The following YIF1B variants were observed in gnomAD, a reference collection of about 807,000 sequenced individuals.
YIF1B encodes the protein protein YIF1B.
YIF1B carries 24 observed loss-of-function variants against 34.6 expected under a neutral mutation model. The ratio of observed to expected loss-of-function variants is 0.69; its 90% CI spans 0.50 to 0.98. YIF1B has a LOEUF of 0.98. Ranked by LOEUF, YIF1B falls within the 50% of genes least tolerant of loss-of-function variation. The probability of loss-of-function intolerance (pLI) is 0.00; values close to 1 mark genes in which losing one functional copy is unlikely to be tolerated. For synonymous variants in YIF1B, 186 were observed against 184.8 expected (o/e 1.01, Z -0.05); for missense variants, 368 against 429.4 (o/e 0.86, Z 1.26).
chr19:38,308,229 G>A (rs763730366), intron 5 of YIF1B, among the ~76,000 whole-genome samples: 1 of 152,180 alleles, frequency 6.6e-6, no homozygotes, highest in Admixed American at 6.5e-5. Flanking sequence ...CTGGAATGGA[G>A]CCAGCAGGGA....
chr19:38,305,572 G>A (rs1968979151), intron 7 of YIF1B, 65 bp from the exon 8 acceptor site: 13 of 1,515,462 alleles, frequency 8.6e-6, no homozygotes, highest in Non-Finnish European at 1.1e-5. Context: ...CAGAGTGAGA[G>A]CCCGGACATA....
intron 1 of YIF1B, 151 bp from the exon 2 acceptor site, chr19:38,309,794 A>G: frequency 7.0e-7 from 1 of 1,436,542 alleles, no homozygotes. Flanking sequence ...ATGGACTGGC[A>G]GGTGCAAGCT....
rs768703622 is a variant in YIF1B at position 38,308,809 on chromosome 19, C to A, written c.522G>T (p.Ala174=). The change falls in exon 5 of 8, where the codon GCG becomes GCT. Residue 174 remains alanine (A), a synonymous_variant. Coordinates refer to ENST00000339413, the MANE Select transcript of YIF1B (RefSeq NM_001039672.3). ...FITYVLVAGL[A]LGTQDRFSPD... ...TCCCTTACCTATCCTGGGTCCCCAG[C>A]GCAAGACCAGCCACCAAAACGTAGG... The A allele has an allele frequency of 6.2e-7, 1 of 1,613,800 alleles. No individual in the cohort carries two copies. The highest frequency in any genetic ancestry group is 8.5e-7 in the Non-Finnish European group (1 of 1,179,924).
Position 38,304,204 on chromosome 19 carries a change from C to T in YIF1B, c.*1148G>A, listed in dbSNP as rs1229061531. 1 of 1,606,030 alleles carries T rather than the reference C, an allele frequency of 6.2e-7. No individual in the cohort carries two copies. ...AGGTCTCAGCGCTCCTCCCCCTGCTCCGCTCCTCTGCAGGGCCCAGGCGCC... is the reference window on the plus strand; with the variant it reads ...AGGTCTCAGCGCTCCTCCCCCTGCTTCGCTCCTCTGCAGGGCCCAGGCGCC... On this transcript the variant is annotated 3_prime_UTR_variant, in exon 8 of 8. Coordinates refer to ENST00000339413, the MANE Select transcript of YIF1B (RefSeq NM_001039672.3).
chr19:38,316,631 T>C (rs977934132), upstream of YIF1B, among the ~76,000 whole-genome samples: 1 of 152,214 alleles, frequency 6.6e-6, no homozygotes, highest in Non-Finnish European at 1.5e-5. Flanking sequence ...TTTGTGTTCC[T>C]GAGGGGCTAA....
chr19:38,307,367 G>T, intron 7 of YIF1B, 61 bp downstream of exon 7: 1 of 1,551,498 alleles, frequency 6.4e-7, no homozygotes, highest in Non-Finnish European at 8.9e-7. Context: ...CCTCTGCTTG[G>T]ATGCCTGGAT....
chr19:38,315,176 C>T (rs1422753057), intron 1 of YIF1B, among the ~76,000 whole-genome samples: 4 of 149,966 alleles, frequency 2.7e-5, no homozygotes, highest in African/African-American at 7.4e-5. Flanking sequence ...ACCCGGGAGG[C>T]GGAGGTTGCG....
In YIF1B at chr19:38,304,151, G is replaced by A; in HGVS notation, c.*1201C>T. ...CTGAGGACCAGGACAGAGGTTGGGT[G>A]GGGCGTCTCAGCATTCCTCCAACGG... On this transcript the variant is annotated 3_prime_UTR_variant, in exon 8 of 8. Coordinates refer to ENST00000339413, the MANE Select transcript of YIF1B (RefSeq NM_001039672.3). 1 of 1,325,478 alleles carries A rather than the reference G, an allele frequency of 7.5e-7. No individual in the cohort carries two copies. The highest frequency in any genetic ancestry group is 1.1e-6 in the Non-Finnish European group (1 of 943,984). The allele number at this position is 1,325,478 out of a possible 1,614,324, so 82.1% of individuals were successfully genotyped here.
At chr19:38,319,815 CT>C, upstream of YIF1B, 2 of 931,374 alleles carry the variant, frequency 2.1e-6, no homozygotes, top group Non-Finnish European at 2.9e-6. Flanking sequence ...CCCACCTCCC[CT>C]TTTTCCTCTT....
rs1001943255 is a variant in YIF1B at position 38,304,813 on chromosome 19, C to T, written c.*539G>A. The T allele has an allele frequency of 5.6e-6, 9 of 1,613,536 alleles. No individual in the cohort carries two copies. Among genetic ancestry groups the T allele is most frequent in the Non-Finnish European group, 7.6e-6 (9 of 1,179,994 alleles). On this transcript the variant is annotated 3_prime_UTR_variant, in exon 8 of 8. Coordinates refer to ENST00000339413, the MANE Select transcript of YIF1B (RefSeq NM_001039672.3). ...TCTCGCTTCCAGCCCAGAACCATCT[C>T]TTCTCTCCCATCCCTGCCCTCGGCC... is the stretch of plus-strand genomic sequence containing the variant.
chr19:38,319,301 A>G (rs562356422), upstream of YIF1B, among the ~76,000 whole-genome samples: 4 of 152,066 alleles, frequency 2.6e-5, no homozygotes, highest in Non-Finnish European at 5.9e-5. Context: ...TGCATGGCGC[A>G]GGATGGTCTC....
At chr19:38,320,059 C>G, upstream of YIF1B, 1 of 1,516,310 alleles carries the variant, frequency 6.6e-7, no homozygotes, top group Non-Finnish European at 8.8e-7. Flanking sequence ...AGCCAGGCTC[C>G]GAGCCGAGCT....
In YIF1B at chr19:38,304,355, C is replaced by CATCCA; in HGVS notation, c.*996_*997insTGGAT. On this transcript the variant is annotated 3_prime_UTR_variant, in exon 8 of 8. Coordinates refer to ENST00000339413, the MANE Select transcript of YIF1B (RefSeq NM_001039672.3). Reference sequence around the variant, plus strand: ...AAGCCCAGAAGCTGCCTGCACCAACCACCCAACTTCTCTCCACAGCCCTGG... The same window carrying CATCCA: ...AAGCCCAGAAGCTGCCTGCACCAACCATCCAACCCAACTTCTCTCCACAGCCCTGG... 6.2e-7 allele frequency: 1 copy of CATCCA among 1,604,986 alleles called. No homozygotes were observed. The highest frequency in any genetic ancestry group is 1.1e-5 in the South Asian group (1 of 89,262).
At chr19:38,307,082 C>T in intron 7 of YIF1B, 1 of 498,570 alleles carries the variant, frequency 2.0e-6, no homozygotes, top group South Asian at 1.6e-5. Flanking sequence ...CACCAGCACC[C>T]CTGACTCCAG....
At chr19:38,310,491 TCCATCCATCTAA>T (rs1969285505) in intron 1 of YIF1B, among the ~76,000 whole-genome samples, 1 of 149,364 alleles carries the variant, frequency 6.7e-6, no homozygotes, top group Admixed American at 6.7e-5. Flanking sequence ...TCCATCATCA[TCCATCCATCTAA>T]CCATCCATTC....
intron 1 of YIF1B, among the ~76,000 whole-genome samples, chr19:38,313,857 C>CA (rs1176159192): frequency 6.6e-6 from 1 of 152,266 alleles, no homozygotes; most frequent in African/African-American, 2.4e-5. Context: ...CCTGCCTTTG[C>CA]AGAGACCTTC....
In YIF1B at chr19:38,304,605, C is replaced by T. The variant is rs765394924; in HGVS notation, c.*747G>A. The T allele has an allele frequency of 6.2e-7, 1 of 1,613,278 alleles. No individual in the cohort carries two copies. Among genetic ancestry groups the T allele is most frequent in the Non-Finnish European group, 8.5e-7 (1 of 1,179,954 alleles). The stretch of plus-strand genomic sequence containing the variant: ...GGGCTGGGTAAGGGGCGCCGCCTCA[C>T]TGCCGCACCTCCATCCAGCAAGGAC... On this transcript the variant is annotated 3_prime_UTR_variant, in exon 8 of 8. Coordinates refer to ENST00000339413, the MANE Select transcript of YIF1B (RefSeq NM_001039672.3).
chr19:38,316,973 T>G (rs1969572875), upstream of YIF1B, among the ~76,000 whole-genome samples: 1 of 152,200 alleles, frequency 6.6e-6, no homozygotes, highest in African/African-American at 2.4e-5. Context: ...AAAGTGAATA[T>G]TTAGAGTGAG....
Position 38,315,914 on chromosome 19 carries a change from G to A in YIF1B, c.4C>T (p.His2Tyr), listed in dbSNP as rs1168402069. The A allele has an allele frequency of 2.7e-6, 4 of 1,467,788 alleles. No individual in the cohort carries two copies. Among genetic ancestry groups the A allele is most frequent in the Non-Finnish European group, 3.6e-6 (4 of 1,117,652 alleles). 90.9% of individuals were successfully genotyped at this position (1,467,788 alleles called of 1,614,324 possible). M[H>Y]PAGLAAAAAG... ...GCCGCCGCCGCCAAGCCTGCCGGGT[G>A]CATCCTTCGCCGCCGCCACCTAAGC... Residue 2 changes from histidine to tyrosine, a missense_variant, in exon 1 of 8, where the codon CAC (histidine) becomes TAC (tyrosine). Transcript: ENST00000339413.
Sources: gnomAD v4.1 joint callset for allele counts (sites outside exome capture counted in the v4.1 genomes callset) on GRCh38, gnomAD v4.1.1 for gene constraint, MANE v1.5 for transcripts, NCBI Gene and HGNC (gene_info 2026-07-23, HGNC 2026-07-21) for gene names.